PCDHA10: variants seen among roughly 807,000 people sequenced by gnomAD.
The protein encoded by PCDHA10 is protocadherin alpha-10.
A neutral mutation model predicts 61.2 loss-of-function variants in PCDHA10; 45 were observed. The observed-to-expected ratio is 0.74, with a 90% CI of 0.58 to 0.94. PCDHA10 has a LOEUF of 0.94. PCDHA10 is among the 40% of genes least tolerant of loss of function. The pLI is 0.00. For missense variants in PCDHA10, 1,278 were observed against 1,236.2 expected (o/e 1.03, Z -0.51); for synonymous variants, 602 against 548.8 (o/e 1.10, Z -1.35).
chr5:140,868,990 G>A (rs1554162367), intron 1 of PCDHA10: 39 of 1,511,606 alleles, frequency 2.6e-5, no homozygotes, highest in Non-Finnish European at 2.4e-5. Flanking sequence ...GGATGCCACC[G>A]TTTAAGGATC....
At position 140,915,626 on chromosome 5, in the gene PCDHA10, G is replaced by GTCTCTCTCTCTC. The variant is rs57920489; in HGVS notation, c.2388+57209_2388+57220dup. 2.6e-4 allele frequency among the ~76,000 whole-genome samples: 38 copies of GTCTCTCTCTCTC among 146,532 alleles called. No individual in the cohort carries two copies. In the Middle Eastern group the frequency reaches 0.011, roughly 41 times the overall value. Reference sequence around the variant, plus strand: ...ACTTTCTGTCAAACAGTCTCTTTCTGTCTCTCTCTCTCTCTCTCTCTCTCT... The same window carrying GTCTCTCTCTCTC: ...ACTTTCTGTCAAACAGTCTCTTTCTGTCTCTCTCTCTCTCTCTCTCTCTCTCTCTCTCTCTCT... On this transcript the variant is annotated intron_variant, in intron 1 of 3. Coordinates refer to ENST00000307360, the MANE Select transcript of PCDHA10 (RefSeq NM_018901.4).
intron 1 of PCDHA10, chr5:140,966,755 C>G: frequency 2.8e-6 from 4 of 1,434,520 alleles, no homozygotes; most frequent in Non-Finnish European, 1.8e-6. Flanking sequence ...GCCTCCGCCG[C>G]GGCCAGTGGC....
intron 1 of PCDHA10, chr5:140,866,520 T>C (rs1294227332): frequency 6.6e-6 from 1 of 152,150 alleles, no homozygotes; most frequent in Non-Finnish European, 1.5e-5. Context: ...GACTAAGCCA[T>C]GATAGAGCAG....
chr5:140,939,803 T>C (rs2092462819), intron 1 of PCDHA10, among the ~76,000 whole-genome samples: 1 of 152,228 alleles, frequency 6.6e-6, no homozygotes, highest in African/African-American at 2.4e-5. Flanking sequence ...ATGTTCTGCA[T>C]GTTCAAGAAA....
In PCDHA10 at chr5:140,877,291, C is replaced by G. The variant is rs527823173; in HGVS notation, c.2388+18855C>G. On this transcript the variant is annotated intron_variant, in intron 1 of 3. Coordinates refer to ENST00000307360, the MANE Select transcript of PCDHA10 (RefSeq NM_018901.4). ...CGCTGACTCCGGCTATAACGCTTGG[C>G]TGTCCTACGAGTTGCAACCGGCGGC... 4 of 1,613,932 alleles carry G rather than the reference C, an allele frequency of 2.5e-6. No homozygotes were observed. In the African/African-American group the frequency reaches 4.0e-5, roughly 16 times the overall value.
chr5:140,878,253 G>A lies in PCDHA10; in HGVS notation c.2388+19817G>A, dbSNP rs182369955. 2.6e-3 allele frequency among the ~76,000 whole-genome samples: 400 copies of A among 152,208 alleles called. 1 individual carries two copies. The highest frequency in any genetic ancestry group is 9.2e-3 in the African/African-American group (384 of 41,530). Reference sequence around the variant, plus strand: ...AATGGATTCTTTAACTCTTCCTCACGTGCTTAGGCTTTTAAAATAGCCTTC... The same window carrying A: ...AATGGATTCTTTAACTCTTCCTCACATGCTTAGGCTTTTAAAATAGCCTTC... On this transcript the variant is annotated intron_variant, in intron 1 of 3. Transcript: ENST00000307360.
intron 1 of PCDHA10, among the ~76,000 whole-genome samples, chr5:140,950,176 T>G (rs1221821328): frequency 6.6e-6 from 1 of 151,976 alleles, no homozygotes; most frequent in Non-Finnish European, 1.5e-5. Flanking sequence ...TTTAGAGAAT[T>G]AAGAAGGAAA....
At chr5:140,882,235 A>G (rs782339930) in intron 1 of PCDHA10, 9 of 1,580,864 alleles carry the variant, frequency 5.7e-6, no homozygotes, top group Admixed American at 1.8e-5. Flanking sequence ...CGTTGTATAT[A>G]TTGCAGATAG....
intron 1 of PCDHA10, among the ~76,000 whole-genome samples, chr5:140,910,422 C>T (rs1184807086): frequency 6.6e-6 from 1 of 152,148 alleles, no homozygotes; most frequent in Non-Finnish European, 1.5e-5. Flanking sequence ...TCCAATTATT[C>T]CCATTGCATT....
intron 1 of PCDHA10, chr5:140,870,262 T>C (rs2051814541): frequency 6.2e-7 from 1 of 1,614,182 alleles, no homozygotes; most frequent in Non-Finnish European, 8.5e-7. Context: ...GGTGACCTGC[T>C]CGCTGACGCC....
At chr5:140,932,349 C>A (rs2088248613) in intron 1 of PCDHA10, among the ~76,000 whole-genome samples, 1 of 151,900 alleles carries the variant, frequency 6.6e-6, no homozygotes, top group Admixed American at 6.6e-5. Flanking sequence ...ACTTACCATA[C>A]AACTGGCCTT....
chr5:140,999,890 T>C (rs2097882236), intron 3 of PCDHA10, among the ~76,000 whole-genome samples: 1 of 152,168 alleles, frequency 6.6e-6, no homozygotes, highest in South Asian at 2.1e-4. Context: ...CAGCTGTAGC[T>C]TGGGACACCA....
chr5:140,918,502 C>A (rs1480204800), intron 1 of PCDHA10, among the ~76,000 whole-genome samples: 1 of 152,040 alleles, frequency 6.6e-6, no homozygotes, highest in Non-Finnish European at 1.5e-5. Context: ...TGGTACCAAT[C>A]CTTTTAAACT....
At chr5:140,870,929 A>C in intron 1 of PCDHA10, 3 of 1,613,868 alleles carry the variant, frequency 1.9e-6, no homozygotes, top group Non-Finnish European at 2.5e-6. Context: ...CTTTCATATG[A>C]ATTGCAGCCG....
intron 1 of PCDHA10, among the ~76,000 whole-genome samples, chr5:140,951,227 G>A (rs181202222): frequency 1.3e-5 from 2 of 152,044 alleles, no homozygotes; most frequent in African/African-American, 2.4e-5. Flanking sequence ...ATTCTTGATG[G>A]TCTTTACCTT....
chr5:140,947,645 A>G (rs1373528004), intron 1 of PCDHA10, among the ~76,000 whole-genome samples: 2 of 151,670 alleles, frequency 1.3e-5, no homozygotes, highest in African/African-American at 2.4e-5. Flanking sequence ...GTATGAACAT[A>G]TATACCTCCA....
intron 1 of PCDHA10, among the ~76,000 whole-genome samples, chr5:140,886,515 G>A (rs1554182564): frequency 3.9e-5 from 6 of 151,972 alleles, no homozygotes; most frequent in Non-Finnish European, 8.8e-5. Flanking sequence ...TGGATTTTAA[G>A]GTCTGCATAT....
At chr5:140,985,148 A>G (rs2097138818) in intron 3 of PCDHA10, among the ~76,000 whole-genome samples, 1 of 152,192 alleles carries the variant, frequency 6.6e-6, no homozygotes, top group South Asian at 2.1e-4. Context: ...CGTGTTAGCC[A>G]GGATTGTCTC....
intron 1 of PCDHA10, chr5:140,881,515 A>T (rs574115987): frequency 4.8e-6 from 1 of 207,066 alleles, no homozygotes; most frequent in Admixed American, 6.5e-5. Context: ...CACATACAAA[A>T]TCCCACACAT....
Sources: gnomAD v4.1 joint callset for allele counts (sites outside exome capture counted in the v4.1 genomes callset) on GRCh38, gnomAD v4.1.1 for gene constraint, MANE v1.5 for transcripts, NCBI Gene and HGNC (gene_info 2026-07-23, HGNC 2026-07-21) for gene names.